STK40: variants seen among roughly 807,000 people sequenced by gnomAD.
The protein encoded by STK40 is serine/threonine kinase 40, also known as serine/threonine-protein kinase 40.
In STK40, 13 loss-of-function variants were observed where a neutral mutation model predicts 47.9. That is an observed-to-expected ratio of 0.27 (90% confidence interval 0.18 to 0.43). The LOEUF is 0.43. Among genes scored for constraint, STK40 ranks in the 20% least tolerant of loss-of-function variants. STK40 has a pLI of 1.00. For missense variants in STK40, 460 were observed against 595.1 expected, an observed-to-expected ratio of 0.77 and a Z score of 2.36; for synonymous variants, 225 against 243.2, an observed-to-expected ratio of 0.93 and a Z score of 0.69.
At position 36,341,524 on chromosome 1, in the gene STK40, T is replaced by C; in HGVS notation, c.*231A>G. 1.7e-6 allele frequency: 1 copy of C among 573,094 alleles called. No individual in the cohort carries two copies. Among genetic ancestry groups the C allele is most frequent in the Non-Finnish European group, 3.1e-6 (1 of 320,244 alleles). The allele number at this position is 573,094 out of a possible 1,614,324, so 35.5% of individuals were successfully genotyped here. On this transcript the variant is annotated 3_prime_UTR_variant, in exon 11 of 11. Transcript: ENST00000373132. ...TAAAACATCGTGATTAAAAGCAGAT[T>C]AGTTATCTAGGCTTCTCAGATTTAA...
Position 36,345,968 on chromosome 1 carries a change from CATAT to C in STK40, c.740-1708_740-1705del, listed in dbSNP as rs1553135169. ...GCCAAACACTAGGTTAAGGGCATTA[CATAT>C]ATATATATATATATATATATTTTTT... On this transcript the variant is annotated intron_variant, in intron 7 of 10. Transcript: ENST00000373132. Among the ~76,000 whole-genome samples, 39 of 29,928 alleles carry C rather than the reference CATAT, an allele frequency of 1.3e-3. 1 individual carries two copies. Among genetic ancestry groups the C allele is most frequent in the Admixed American group, 2.2e-3 (5 of 2,324 alleles). 19.6% of individuals were successfully genotyped at this position (29,928 alleles called of 152,430 possible). A position where few individuals can be genotyped will look rare whatever the true frequency, so the allele number is the denominator to read the frequency against.
At chr1:36,379,419 C>G (rs1430237097) in intron 1 of STK40, among the ~76,000 whole-genome samples, 1 of 128,612 alleles carries the variant, frequency 7.8e-6, no homozygotes, top group Admixed American at 8.1e-5. Flanking sequence ...TTTTTTGAAA[C>G]GGAGTCTCGC....
chr1:36,343,983 A>G lies in STK40; in HGVS notation c.885-4T>C. ...GTTCTCAGAAACCCGTCCATCCCTG[A>G]GGCAGGGAGTTGGGGAGGAGGGCTC... On this transcript the variant is annotated splice_region_variant and splice_polypyrimidine_tract_variant and intron_variant, in intron 8 of 10. Transcript: ENST00000373132. 6.2e-7 allele frequency: 1 copy of G among 1,601,614 alleles called. No homozygotes were observed. Among genetic ancestry groups the G allele is most frequent in the East Asian group, 2.2e-5 (1 of 44,538 alleles).
At chr1:36,353,811 C>T (rs1646779396) in intron 6 of STK40, among the ~76,000 whole-genome samples, 1 of 152,238 alleles carries the variant, frequency 6.6e-6, no homozygotes, top group Non-Finnish European at 1.5e-5. Context: ...CCCCCTCACC[C>T]TGAGAGCACT....
intron 1 of STK40, among the ~76,000 whole-genome samples, chr1:36,363,020 G>C (rs1646867023): frequency 6.6e-6 from 1 of 152,130 alleles, no homozygotes; most frequent in Non-Finnish European, 1.5e-5. Flanking sequence ...GCTGGTCCTG[G>C]TGGTGCACAC....
chr1:36,379,188 G>A (rs1398178507), intron 1 of STK40, among the ~76,000 whole-genome samples: 4 of 152,200 alleles, frequency 2.6e-5, no homozygotes, highest in Non-Finnish European at 5.9e-5. Flanking sequence ...TTGCCAAGTA[G>A]GTGGCAGTGT....
At chr1:36,349,734 G>A (rs1646733792) in intron 6 of STK40, among the ~76,000 whole-genome samples, 1 of 146,980 alleles carries the variant, frequency 6.8e-6, no homozygotes, top group South Asian at 2.3e-4. Flanking sequence ...GAAGTGCCCC[G>A]AGAGGACCCT....
At chr1:36,352,259 C>G (rs1374874786) in intron 6 of STK40, among the ~76,000 whole-genome samples, 1 of 152,214 alleles carries the variant, frequency 6.6e-6, no homozygotes, top group Non-Finnish European at 1.5e-5. Flanking sequence ...TCTCCTGTCT[C>G]TCAGCGACAG....
rs148102085 is a variant in STK40 at position 36,361,080 on chromosome 1, C to T, written c.112+141G>A. On this transcript the variant is annotated intron_variant, in intron 2 of 10. Coordinates refer to ENST00000373132, the MANE Select transcript of STK40 (RefSeq NM_001282547.2). ...CTGTTTCAAGTAGTGAAGCTAGGGA[C>T]CAAGCCTGGGGCAGGGCAGGACCAC... 923 of 923,370 alleles carry T rather than the reference C, an allele frequency of 1.0e-3. 6 individuals carry two copies. The African/African-American group carries it at 0.014, about 14-fold the overall frequency. The allele number at this position is 923,370 out of a possible 1,614,324, so 57.2% of individuals were successfully genotyped here. A position where few individuals can be genotyped will look rare whatever the true frequency, so the allele number is the denominator to read the frequency against.
In STK40 at chr1:36,355,236, G is replaced by A. The variant is rs770326216; in HGVS notation, c.540C>T (p.Asp180=). The A allele has an allele frequency of 7.4e-6, 12 of 1,613,968 alleles. No individual in the cohort carries two copies. Among genetic ancestry groups the A allele is most frequent in the East Asian group, 4.5e-5 (2 of 44,870 alleles). The change falls in exon 5 of 11, where the codon GAC becomes GAT. Residue 180 remains aspartate, a synonymous_variant. Coordinates refer to ENST00000373132, the MANE Select transcript of STK40 (RefSeq NM_001282547.2). ...GCAGGGCCTCCACCACGCGGACCAC[G>A]TCGTAGAAGATTACCACAGTCTCCC... ...SERETVVIFY[D]VVRVVEALHQ... is the part of the protein sequence containing the mutation.
chr1:36,363,814 C>CAA (rs1319661356), intron 1 of STK40, among the ~76,000 whole-genome samples: 4 of 55,132 alleles, frequency 7.3e-5, no homozygotes, highest in African/African-American at 2.7e-4. Flanking sequence ...GACTCTGTCT[C>CAA]AAAAAAAAAA....
chr1:36,384,142 G>A (rs1647065192), intron 1 of STK40, among the ~76,000 whole-genome samples: 1 of 151,134 alleles, frequency 6.6e-6, no homozygotes, highest in African/African-American at 2.4e-5. Context: ...CAATTCTCCT[G>A]CCTCAGCCTC....
intron 6 of STK40, among the ~76,000 whole-genome samples, chr1:36,351,869 C>T (rs1646762266): frequency 6.6e-6 from 1 of 152,248 alleles, no homozygotes; most frequent in South Asian, 2.1e-4. Context: ...TGTTCATTTA[C>T]AGCCAATGAA....
At chr1:36,358,947 G>A (rs1430951662) in intron 2 of STK40, 125 bp from the exon 3 acceptor site, 6 of 985,462 alleles carry the variant, frequency 6.1e-6, no homozygotes, top group Middle Eastern at 2.2e-4. Context: ...GTACTGGACT[G>A]ACCCTCCAAG....
chr1:36,371,772 A>T (rs1368105206), intron 1 of STK40, among the ~76,000 whole-genome samples: 1 of 150,942 alleles, frequency 6.6e-6, no homozygotes, highest in Middle Eastern at 3.4e-3. Context: ...GAGGCGGGCA[A>T]ATCACCTGAG....
chr1:36,366,562 T>C (rs1335372648), intron 1 of STK40, among the ~76,000 whole-genome samples: 1 of 152,032 alleles, frequency 6.6e-6, no homozygotes, highest in Non-Finnish European at 1.5e-5. Context: ...CCTCCAATCA[T>C]CTGGCTGTGC....
chr1:36,363,754 G>A (rs1389595246), intron 1 of STK40, among the ~76,000 whole-genome samples: 1 of 150,186 alleles, frequency 6.7e-6, no homozygotes, highest in Admixed American at 6.7e-5. Context: ...GGCGGAGCTT[G>A]CAGTGAGCCC....
chr1:36,349,268 TGACCCAAG>T (rs1349910272), intron 6 of STK40, among the ~76,000 whole-genome samples: 4 of 152,206 alleles, frequency 2.6e-5, no homozygotes, highest in Non-Finnish European at 5.9e-5. Flanking sequence ...CCTTGGAAGG[TGACCCAAG>T]GGCTGGCCCC....
Position 36,344,138 on chromosome 1 carries a change from G to A in STK40, c.866C>T (p.Ala289Val), listed in dbSNP as rs779143408. 2 of 1,610,674 alleles carry A rather than the reference G, an allele frequency of 1.2e-6. No homozygotes were observed. Among genetic ancestry groups the A allele is most frequent in the Non-Finnish European group, 1.7e-6 (2 of 1,178,570 alleles). The change falls in exon 8 of 11, where the codon GCC (alanine) becomes GTC (valine). Residue 289 changes from alanine to valine, a missense_variant. Ala to Val is a moderately conservative substitution (Grantham distance 64, BLOSUM62 0). Coordinates refer to ENST00000373132, the MANE Select transcript of STK40 (RefSeq NM_001282547.2). ...PQELFRKIKA[A>V]EYTIPEDGRV... ...GACTCACTCAGGAATGGTATACTCG[G>A]CAGCCTTGATCTTGCGGAAGAGCTC...
Sources: gnomAD v4.1 joint callset for allele counts (sites outside exome capture counted in the v4.1 genomes callset) on GRCh38, gnomAD v4.1.1 for gene constraint, MANE v1.5 for transcripts, NCBI Gene and HGNC (gene_info 2026-07-23, HGNC 2026-07-21) for gene names.